Variants in MACROD2 observed in about 807,000 individuals in gnomAD.
MACROD2 encodes the protein mono-ADP ribosylhydrolase 2.
Under a neutral mutation model 70.4 loss-of-function variants are expected in MACROD2, and 36 were observed. The ratio of observed to expected loss-of-function variants is 0.51; its 90% CI spans 0.39 to 0.68. The LOEUF (loss-of-function observed/expected upper bound fraction) is 0.68. MACROD2 is among the 30% of genes least tolerant of loss of function. MACROD2 has a pLI of 0.00. For missense variants in MACROD2, 496 were observed against 538.4 expected (o/e 0.92, Z 0.78); for synonymous variants, 172 against 178.8 (o/e 0.96, Z 0.30).
At chr20:14,436,752 G>T (rs914635856) in intron 3 of MACROD2, among the ~76,000 whole-genome samples, 42 of 152,110 alleles carry the variant, frequency 2.8e-4, no homozygotes, top group African/African-American at 9.9e-4. Flanking sequence ...GTCTAGTATT[G>T]GGTTCTTCTT....
chr20:15,211,936 GAACT>G (rs2055799770), intron 5 of MACROD2, among the ~76,000 whole-genome samples: 1 of 152,144 alleles, frequency 6.6e-6, no homozygotes, highest in Non-Finnish European at 1.5e-5. Context: ...ACATTTTGAG[GAACT>G]AACTGTTTTC....
intron 6 of MACROD2, among the ~76,000 whole-genome samples, chr20:15,317,171 C>G (rs1054411435): frequency 1.3e-5 from 2 of 151,708 alleles, no homozygotes; most frequent in African/African-American, 4.8e-5. Flanking sequence ...AAACTAAGCC[C>G]AAGGCTTGTA....
intron 3 of MACROD2, among the ~76,000 whole-genome samples, chr20:14,484,783 C>T (rs2084703124): frequency 6.6e-6 from 1 of 152,180 alleles, no homozygotes; most frequent in Non-Finnish European, 1.5e-5. Context: ...ATTCTTTATT[C>T]TGACGGAATA....
chr20:15,919,372 A>C lies in MACROD2; in HGVS notation c.776-13904A>C, dbSNP rs905332304. On this transcript the variant is annotated intron_variant, in intron 10 of 17. Transcript: ENST00000684519. ...CTGATACTTACATTGATTTGTCTAAAATAGCATCAGCTACCCTAGAAAATT... is the reference window on the plus strand; with the variant it reads ...CTGATACTTACATTGATTTGTCTAACATAGCATCAGCTACCCTAGAAAATT... Among the ~76,000 whole-genome samples, 5 of 152,178 alleles carry C rather than the reference A, an allele frequency of 3.3e-5. No individual in the cohort carries two copies. In the East Asian group the frequency reaches 9.6e-4, roughly 29 times the overall value.
At chr20:14,789,492 T>TTTTTTTTG (rs2072422284) in intron 5 of MACROD2, among the ~76,000 whole-genome samples, 1 of 139,304 alleles carries the variant, frequency 7.2e-6, no homozygotes, top group Non-Finnish European at 1.5e-5. Context: ...TTTTTTTTTT[T>TTTTTTTTG]GAGATGGAGT....
chr20:14,571,140 A>T (rs564983058), intron 4 of MACROD2, among the ~76,000 whole-genome samples: 5 of 152,210 alleles, frequency 3.3e-5, no homozygotes, highest in Admixed American at 2.0e-4. Context: ...TTGGTCTCAG[A>T]TGTACACCTT....
chr20:15,678,807 A>T (rs1417690180), intron 8 of MACROD2, among the ~76,000 whole-genome samples: 1 of 152,122 alleles, frequency 6.6e-6, no homozygotes, highest in African/African-American at 2.4e-5. Flanking sequence ...GGAAACTGAT[A>T]ATCTAAAATA....
chr20:15,481,724 T>A (rs2047100981), intron 7 of MACROD2, among the ~76,000 whole-genome samples: 1 of 151,234 alleles, frequency 6.6e-6, no homozygotes, highest in Admixed American at 6.6e-5. Flanking sequence ...AGCATACAAA[T>A]GTCTGTAGTT....
intron 5 of MACROD2, among the ~76,000 whole-genome samples, chr20:15,200,342 C>T (rs1365577768): frequency 2.0e-5 from 3 of 152,112 alleles, no homozygotes; most frequent in African/African-American, 4.8e-5. Flanking sequence ...TTTTTTCAAT[C>T]TGGTTTTCTT....
chr20:15,084,126 C>T (rs974014111), intron 5 of MACROD2, among the ~76,000 whole-genome samples: 7 of 142,242 alleles, frequency 4.9e-5, no homozygotes, highest in Non-Finnish European at 1.1e-4. Context: ...AGTGCAGTGG[C>T]GCGATCTGGA....
rs59129207 is a variant in MACROD2 at position 15,227,823 on chromosome 20, G to GTTTTT, written c.419-2095_419-2091dup. Among the ~76,000 whole-genome samples, 70 of 46,088 alleles carry GTTTTT rather than the reference G, an allele frequency of 1.5e-3. 13 individuals carry two copies. The highest frequency in any genetic ancestry group is 5.6e-3 in the African/African-American group (58 of 10,314). 30.2% of individuals were successfully genotyped at this position (46,088 alleles called of 152,430 possible). On this transcript the variant is annotated intron_variant, in intron 5 of 17. Coordinates refer to ENST00000684519, the MANE Select transcript of MACROD2 (RefSeq NM_001351661.2). ...TAACTGGTGTGATAGAATTTCACCT[G>GTTTTT]TTTTTTTTTTTTTTTTTTTTTTTTT...
At chr20:14,399,808 T>A (rs894910823) in intron 3 of MACROD2, among the ~76,000 whole-genome samples, 2 of 152,214 alleles carry the variant, frequency 1.3e-5, no homozygotes, top group African/African-American at 4.8e-5. Flanking sequence ...GTTTCTGTTG[T>A]TGTGTTTTCA....
chr20:14,617,525 C>T (rs1983552139), intron 4 of MACROD2, among the ~76,000 whole-genome samples: 1 of 152,098 alleles, frequency 6.6e-6, no homozygotes, highest in Non-Finnish European at 1.5e-5. Flanking sequence ...TGCCACTCTC[C>T]TCTGTTTTTC....
intron 5 of MACROD2, among the ~76,000 whole-genome samples, chr20:15,083,619 C>G (rs1287642902): frequency 6.6e-6 from 1 of 150,614 alleles, no homozygotes; most frequent in Non-Finnish European, 1.5e-5. Flanking sequence ...ACTTAATTTT[C>G]TTAGAAAATT....
At chr20:15,127,556 G>A (rs2076075891) in intron 5 of MACROD2, among the ~76,000 whole-genome samples, 1 of 152,020 alleles carries the variant, frequency 6.6e-6, no homozygotes, top group South Asian at 2.1e-4. Context: ...TTTGGTTGGA[G>A]CTGGAGGCTC....
At chr20:15,505,732 A>C (rs370384876) in intron 8 of MACROD2, among the ~76,000 whole-genome samples, 1 of 152,120 alleles carries the variant, frequency 6.6e-6, no homozygotes, top group East Asian at 1.9e-4. Flanking sequence ...TGGCTAGGTC[A>C]CCTGCCTAGA....
intron 5 of MACROD2, among the ~76,000 whole-genome samples, chr20:15,057,830 G>A (rs1000093976): frequency 2.6e-5 from 4 of 152,130 alleles, no homozygotes; most frequent in African/African-American, 9.7e-5. Context: ...GAAAAGACAG[G>A]ATCGGAATCA....
chr20:14,557,575 A>C (rs1231193966), intron 4 of MACROD2, among the ~76,000 whole-genome samples: 2 of 151,946 alleles, frequency 1.3e-5, no homozygotes, highest in Non-Finnish European at 2.9e-5. Flanking sequence ...TTCTGAATAG[A>C]TATTTCTCCA....
chr20:14,473,097 G>C (rs544140674), intron 3 of MACROD2, among the ~76,000 whole-genome samples: 1 of 152,080 alleles, frequency 6.6e-6, no homozygotes, highest in Non-Finnish European at 1.5e-5. Flanking sequence ...TTCAATACAT[G>C]TATACAATAT....
Sources: allele counts gnomAD v4.1 joint callset (sites outside exome capture counted in the v4.1 genomes callset), GRCh38; gene constraint gnomAD v4.1.1; transcripts MANE v1.5; gene names NCBI Gene and HGNC (gene_info 2026-07-23, HGNC 2026-07-21).